GRID2: variants seen among roughly 807,000 people sequenced by gnomAD.
The protein encoded by GRID2 is glutamate ionotropic receptor delta type subunit 2, also known as glutamate receptor ionotropic, delta-2.
GRID2 carries 33 observed loss-of-function variants against 114.8 expected under a neutral mutation model. The ratio of observed to expected loss-of-function variants is 0.29; its 90% CI spans 0.22 to 0.38. GRID2 has a LOEUF of 0.38. GRID2 is among the 10% of genes least tolerant of loss of function. The pLI is 1.00. For missense variants in GRID2, 1,184 were observed against 1,257.7 expected, an observed-to-expected ratio of 0.94 and a Z score of 0.89; for synonymous variants, 505 against 449.9, an observed-to-expected ratio of 1.12 and a Z score of -1.55.
rs75582440 is a variant in GRID2, at chr4:93,008,436, C to T, written c.245-76559C>T. On this transcript the variant is annotated intron_variant, in intron 2 of 15. Transcript: ENST00000282020. The stretch of plus-strand genomic sequence containing the variant: ...CTTTGAAGTCTCCTTAGTTCAAATC[C>T]CAATCTATATAGTTGAATTTTCTTT... 2.4e-3 allele frequency among the ~76,000 whole-genome samples: 370 copies of T among 152,124 alleles called. 1 individual carries two copies. Among genetic ancestry groups the T allele is most frequent in the Admixed American group, 4.5e-3 (69 of 15,258 alleles).
intron 8 of GRID2, among the ~76,000 whole-genome samples, chr4:93,381,126 A>G (rs1763813385): frequency 6.6e-6 from 1 of 152,108 alleles, no homozygotes; most frequent in Non-Finnish European, 1.5e-5. Flanking sequence ...TTCAATGATA[A>G]TAAGTACATT....
At chr4:93,005,985 T>G (rs1721478098) in intron 2 of GRID2, among the ~76,000 whole-genome samples, 1 of 152,116 alleles carries the variant, frequency 6.6e-6, no homozygotes. Flanking sequence ...AGTTTATTTA[T>G]GATTGCTTTT....
chr4:92,394,502 G>C (rs1730396940), intron 1 of GRID2, among the ~76,000 whole-genome samples: 1 of 151,826 alleles, frequency 6.6e-6, no homozygotes, highest in African/African-American at 2.4e-5. Context: ...GGAGTCTGTT[G>C]TTCACTGGTT....
At chr4:93,220,842 C>A (rs1744790884) in intron 6 of GRID2, among the ~76,000 whole-genome samples, 1 of 152,180 alleles carries the variant, frequency 6.6e-6, no homozygotes, top group Non-Finnish European at 1.5e-5. Flanking sequence ...AAACGTCTAT[C>A]ACTACGTGAA....
chr4:92,653,558 G>C (rs1158410477), intron 2 of GRID2, among the ~76,000 whole-genome samples: 1 of 151,820 alleles, frequency 6.6e-6, no homozygotes, highest in Non-Finnish European at 1.5e-5. Flanking sequence ...TAGAGAATCT[G>C]TTATTATTGT....
chr4:92,900,734 T>C (rs1394616325), intron 2 of GRID2, among the ~76,000 whole-genome samples: 2 of 147,224 alleles, frequency 1.4e-5, no homozygotes, highest in African/African-American at 5.1e-5. Flanking sequence ...CGCCGGAGGC[T>C]GAGGCAGGAG....
intron 2 of GRID2, among the ~76,000 whole-genome samples, chr4:92,659,941 T>G (rs184787213): frequency 1.4e-3 from 215 of 151,644 alleles, no homozygotes; most frequent in Non-Finnish European, 2.4e-3. Flanking sequence ...TGCACATCCT[T>G]TCTTATAAAC....
rs535439825 is a variant in GRID2 at position 92,313,541 on chromosome 4, A to G, written c.88+8797A>G. On this transcript the variant is annotated intron_variant, in intron 1 of 15. Coordinates refer to ENST00000282020, the MANE Select transcript of GRID2 (RefSeq NM_001510.4). Reference sequence around the variant, plus strand: ...TAAAGGAATGGAGGGGAAGACGTGCAGAGAGAGAAGAGTTCCAAGACTAGG... The same window carrying G: ...TAAAGGAATGGAGGGGAAGACGTGCGGAGAGAGAAGAGTTCCAAGACTAGG... Among the ~76,000 whole-genome samples, 86 of 152,220 alleles carry G rather than the reference A, an allele frequency of 5.6e-4. 1 individual carries two copies. In the Middle Eastern group the frequency reaches 0.024, roughly 42 times the overall value.
At chr4:92,424,459 A>C (rs1732056928) in intron 1 of GRID2, among the ~76,000 whole-genome samples, 1 of 152,042 alleles carries the variant, frequency 6.6e-6, no homozygotes, top group Non-Finnish European at 1.5e-5. Context: ...ATTAAGTTCC[A>C]AACTTTTGGG....
At chr4:93,266,541 C>T (rs940390033) in intron 8 of GRID2, among the ~76,000 whole-genome samples, 3 of 152,228 alleles carry the variant, frequency 2.0e-5, no homozygotes, top group Admixed American at 6.5e-5. Flanking sequence ...ATCATGGCAT[C>T]CCACACGAAC....
intron 8 of GRID2, among the ~76,000 whole-genome samples, chr4:93,352,026 A>G (rs1240118708): frequency 6.6e-6 from 1 of 151,992 alleles, no homozygotes; most frequent in Non-Finnish European, 1.5e-5. Flanking sequence ...AGATACTCTT[A>G]TCATCATTTT....
intron 14 of GRID2, among the ~76,000 whole-genome samples, chr4:93,656,829 C>CAAAAAAAAAAAAAAAAA (rs61508444): frequency 6.3e-5 from 2 of 31,902 alleles, no homozygotes; most frequent in African/African-American, 2.2e-4. Context: ...GACTCTGCCT[C>CAAAAAAAAAAAAAAAAA]AAAAAAAAAA....
intron 4 of GRID2, among the ~76,000 whole-genome samples, chr4:93,137,883 G>C (rs889193625): frequency 1.1e-4 from 16 of 148,742 alleles, no homozygotes; most frequent in Admixed American, 1.4e-4. Flanking sequence ...TGTTCTTTCA[G>C]AAACTCTTCA....
chr4:92,313,245 G>GT (rs1725800482), intron 1 of GRID2, among the ~76,000 whole-genome samples: 1 of 152,002 alleles, frequency 6.6e-6, no homozygotes, highest in Non-Finnish European at 1.5e-5. Flanking sequence ...ACTAAACATT[G>GT]TATGTTCTCA....
chr4:92,922,488 C>A (rs911731064), intron 2 of GRID2, among the ~76,000 whole-genome samples: 6 of 152,090 alleles, frequency 3.9e-5, no homozygotes, highest in East Asian at 3.9e-4. Context: ...ATCTCTCCAC[C>A]CCCCCAGAAA....
At chr4:92,874,718 A>G (rs534442083) in intron 2 of GRID2, among the ~76,000 whole-genome samples, 1 of 152,334 alleles carries the variant, frequency 6.6e-6, no homozygotes. Context: ...CATTTAATGC[A>G]CGCCATGAGC....
intron 1 of GRID2, among the ~76,000 whole-genome samples, chr4:92,529,834 A>G (rs1725240888): frequency 6.6e-6 from 1 of 152,162 alleles, no homozygotes. Context: ...GGCCATTGAC[A>G]TGAAATGCTG....
chr4:92,411,118 T>G (rs747099965), intron 1 of GRID2, among the ~76,000 whole-genome samples: 6 of 152,166 alleles, frequency 3.9e-5, no homozygotes, highest in Admixed American at 6.5e-5. Flanking sequence ...TGTGGTGGGT[T>G]CTTACTTGTT....
chr4:92,433,855 T>C (rs892980461), intron 1 of GRID2, among the ~76,000 whole-genome samples: 2 of 152,014 alleles, frequency 1.3e-5, no homozygotes, highest in African/African-American at 4.8e-5. Context: ...TTTGTCACCT[T>C]CCTTAAAAGA....
Sources: gnomAD v4.1 joint callset for allele counts (sites outside exome capture counted in the v4.1 genomes callset) on GRCh38, gnomAD v4.1.1 for gene constraint, MANE v1.5 for transcripts, NCBI Gene and HGNC (gene_info 2026-07-23, HGNC 2026-07-21) for gene names.